The following LEPR variants were observed in gnomAD, a reference collection of about 807,000 sequenced individuals.
The protein encoded by LEPR is OB receptor.
In LEPR, 56 loss-of-function variants were observed where a neutral mutation model predicts 114.7. The ratio of observed to expected loss-of-function variants is 0.49; its 90% confidence interval spans 0.39 to 0.61. The LOEUF (loss-of-function observed/expected upper bound fraction) is 0.61. Among genes scored for constraint, LEPR ranks in the 20% least tolerant of loss-of-function variants. LEPR has a pLI of 0.00. For synonymous variants in LEPR, 443 were observed against 461.4 expected (o/e 0.96, Z 0.51); for missense variants, 1,202 against 1,352.9 (o/e 0.89, Z 1.75).
intron 10 of LEPR, among the ~76,000 whole-genome samples, chr1:65,602,271 T>A (rs1300708790): frequency 1.3e-5 from 2 of 152,016 alleles, no homozygotes; most frequent in Admixed American, 1.3e-4. Context: ...ATATTTTAAT[T>A]TGACTTAGTT....
Position 65,638,074 on chromosome 1 carries a change from C to G in LEPR, c.*1059C>G, listed in dbSNP as rs753560022. 1 of 152,154 alleles carries G rather than the reference C, an allele frequency of 6.6e-6. No homozygotes were observed. Among genetic ancestry groups the G allele is most frequent in the Non-Finnish European group, 1.5e-5 (1 of 68,026 alleles). The allele number at this position is 152,154 out of a possible 1,614,324, so 9.4% of individuals were successfully genotyped here. A position where few individuals can be genotyped will look rare whatever the true frequency, so the allele number is the denominator to read the frequency against. On this transcript the variant is annotated 3_prime_UTR_variant, in exon 20 of 20. Transcript: ENST00000349533. ...TCAAAATTTATTAAGTAGAGGCTGG[C>G]ACAGTGGTGCATGCCTGTAATCCCA...
chr1:65,588,142 T>G (rs1029968624), intron 5 of LEPR, among the ~76,000 whole-genome samples: 2 of 152,024 alleles, frequency 1.3e-5, no homozygotes, highest in Non-Finnish European at 2.9e-5. Context: ...CCCACTGCTC[T>G]TATTCTATAG....
chr1:65,572,581 A>G, intron 5 of LEPR, 132 bp downstream of exon 5: 1 of 964,892 alleles, frequency 1.0e-6, no homozygotes, highest in Non-Finnish European at 1.5e-6. Context: ...TTAATATAGC[A>G]TTCTGCTCTG....
At chr1:65,439,863 C>T (rs772048508) in intron 2 of LEPR, among the ~76,000 whole-genome samples, 17 of 143,068 alleles carry the variant, frequency 1.2e-4, no homozygotes, top group South Asian at 2.2e-4. Context: ...GGCGCAGTGG[C>T]GTGTGCCTGT....
intron 5 of LEPR, among the ~76,000 whole-genome samples, chr1:65,572,946 G>T (rs1654309402): frequency 6.6e-6 from 1 of 152,094 alleles, no homozygotes; most frequent in Non-Finnish European, 1.5e-5. Context: ...TGCCTTCAGG[G>T]TCAGCAGCTT....
chr1:65,497,018 A>G (rs1648197675), intron 2 of LEPR, among the ~76,000 whole-genome samples: 1 of 152,066 alleles, frequency 6.6e-6, no homozygotes, highest in African/African-American at 2.4e-5. Flanking sequence ...ACACACATAT[A>G]TGTATTTTTC....
rs1261451322 is a variant in LEPR at position 65,638,996 on chromosome 1, A to G, written c.*1981A>G. ...TGGTATTTAATTGAAGGTACAGTAC[A>G]GAAGAGATAGAAAAATAAATTTTGC... On this transcript the variant is annotated 3_prime_UTR_variant, in exon 20 of 20. Coordinates refer to ENST00000349533, the MANE Select transcript of LEPR (RefSeq NM_002303.6). 1 of 152,250 alleles carries G rather than the reference A, an allele frequency of 6.6e-6. No individual in the cohort carries two copies. Among genetic ancestry groups the G allele is most frequent in the Non-Finnish European group, 1.5e-5 (1 of 68,044 alleles). The allele number at this position is 152,250 out of a possible 1,614,324, so 9.4% of individuals were successfully genotyped here. A position where few individuals can be genotyped will look rare whatever the true frequency, so the allele number is the denominator to read the frequency against.
chr1:65,462,452 A>G (rs1359096315), intron 2 of LEPR, among the ~76,000 whole-genome samples: 2 of 152,226 alleles, frequency 1.3e-5, no homozygotes, highest in Non-Finnish European at 2.9e-5. Flanking sequence ...TAGTGCTGCA[A>G]TAAACATACA....
intron 10 of LEPR, among the ~76,000 whole-genome samples, chr1:65,602,340 G>A (rs896296888): frequency 6.6e-6 from 1 of 151,872 alleles, no homozygotes; most frequent in Non-Finnish European, 1.5e-5. Flanking sequence ...AAAGATTAAT[G>A]TTTTGGAAAA....
rs534422108 is a variant in LEPR, at chr1:65,592,941, A to G, written c.703+76A>G. On this transcript the variant is annotated intron_variant, in intron 6 of 19. Coordinates refer to ENST00000349533, the MANE Select transcript of LEPR (RefSeq NM_002303.6). The stretch of plus-strand genomic sequence containing the variant: ...TAAAGGTTAAAAATTGCTTACAAAA[A>G]TATTTGCTAGCTTATCTCACTTTGC... 170 of 1,506,846 alleles carry G rather than the reference A, an allele frequency of 1.1e-4. No homozygotes were observed. In the African/African-American group the frequency reaches 2.0e-3, roughly 18 times the overall value. 93.3% of individuals were successfully genotyped at this position (1,506,846 alleles called of 1,614,324 possible).
intron 2 of LEPR, chr1:65,432,656 T>C: frequency 1.0e-6 from 1 of 984,442 alleles, no homozygotes. Flanking sequence ...CTCAAATTTA[T>C]GAAAAGTGTT....
intron 2 of LEPR, among the ~76,000 whole-genome samples, chr1:65,451,503 C>G (rs1646784754): frequency 6.6e-6 from 1 of 152,018 alleles, no homozygotes. Flanking sequence ...TATGGCTAGC[C>G]AGTTTTCCCA....
chr1:65,629,255 A>T, intron 19 of LEPR: 1 of 330,262 alleles, frequency 3.0e-6, no homozygotes, highest in South Asian at 2.4e-5. Context: ...AAATAAAAAC[A>T]TTAGCACTCT....
At chr1:65,574,786 G>A (rs185658492) in intron 5 of LEPR, among the ~76,000 whole-genome samples, 33 of 152,320 alleles carry the variant, frequency 2.2e-4, no homozygotes, top group Admixed American at 2.0e-3. Context: ...AATATTGTCT[G>A]AAGGTGTGAG....
intron 2 of LEPR, among the ~76,000 whole-genome samples, chr1:65,461,227 G>A (rs1201935567): frequency 6.6e-6 from 1 of 151,696 alleles, no homozygotes; most frequent in Non-Finnish European, 1.5e-5. Flanking sequence ...CGCCTGCCTC[G>A]GCCTCCCAAA....
intron 19 of LEPR, chr1:65,634,402 C>A (rs1658639696): frequency 1.0e-6 from 1 of 971,446 alleles, no homozygotes; most frequent in Non-Finnish European, 1.2e-6. Context: ...TTACTGCCCA[C>A]TCAACACATA....
chr1:65,601,658 C>G lies in LEPR; in HGVS notation c.1261C>G (p.Arg421Gly). 6.2e-7 allele frequency: 1 copy of G among 1,613,524 alleles called. No individual in the cohort carries two copies. The highest frequency in any genetic ancestry group is 1.3e-5 in the African/African-American group (1 of 74,994). The change falls in exon 9 of 20, where the codon CGC (arginine) becomes GGC (glycine). Residue 421 changes from arginine (R) to glycine (G), a missense_variant. By Grantham distance (125) the Arg-to-Gly change is moderately radical (BLOSUM62 -2). Transcript: ENST00000349533. ...YCCNEHECHH[R>G]YAELYVIDVN... ...CTGCAATGAACATGAATGCCATCATCGCTATGCTGAATTATATGTGATTGG... is the reference window on the plus strand; with the variant it reads ...CTGCAATGAACATGAATGCCATCATGGCTATGCTGAATTATATGTGATTGG...
chr1:65,501,186 A>G (rs1236616214), intron 2 of LEPR, among the ~76,000 whole-genome samples: 7 of 152,070 alleles, frequency 4.6e-5, no homozygotes, highest in Admixed American at 3.3e-4. Context: ...CCTTTAAAAC[A>G]TACTACAAAC....
Position 65,425,398 on chromosome 1 carries a change from A to G in LEPR, c.-21+20A>G. 1.3e-6 allele frequency: 2 copies of G among 1,578,866 alleles called. No individual in the cohort carries two copies. The highest frequency in any genetic ancestry group is 1.7e-6 in the Non-Finnish European group (2 of 1,163,706). ...TTATGGGTAAGTTATCATTTCAAAA[A>G]GAACTATTCCTCTTTCTGTGTCTTT... On this transcript the variant is annotated intron_variant, in intron 2 of 19. Coordinates refer to ENST00000349533, the MANE Select transcript of LEPR (RefSeq NM_002303.6).
Sources: gnomAD v4.1 joint callset for allele counts (sites outside exome capture counted in the v4.1 genomes callset) on GRCh38, gnomAD v4.1.1 for gene constraint, MANE v1.5 for transcripts, NCBI Gene and HGNC (gene_info 2026-07-23, HGNC 2026-07-21) for gene names.